Variants in SRPX observed in about 807,000 individuals in gnomAD.
SRPX encodes sushi repeat-containing protein SRPX.
In SRPX, 24 loss-of-function variants were observed where a neutral mutation model predicts 38.1. The observed-to-expected ratio is 0.63, with a 90% CI of 0.46 to 0.89. SRPX has a LOEUF of 0.89. Among genes scored for constraint, SRPX ranks in the 40% least tolerant of loss-of-function variants. The probability of loss-of-function intolerance (pLI) is 0.00; values close to 1 mark genes in which losing one functional copy is unlikely to be tolerated. For missense variants in SRPX, 416 were observed against 377.8 expected (o/e 1.10, Z -0.84); for synonymous variants, 184 against 153.8 (o/e 1.20, Z -1.45).
chrX:38,204,860 AAAG>A (rs1939181224), intron 1 of SRPX, among the ~76,000 whole-genome samples: 1 of 112,598 alleles, frequency 8.9e-6, no homozygotes, highest in African/African-American at 3.2e-5. Context: ...CAATAGTACC[AAAG>A]AAGACTAAAA....
intron 7 of SRPX, among the ~76,000 whole-genome samples, chrX:38,157,567 A>C (rs749155239): frequency 1.8e-5 from 2 of 111,681 alleles, no homozygotes; most frequent in South Asian, 7.6e-4. Flanking sequence ...TTGTGATTAC[A>C]TTGGGCCCAC....
At chrX:38,175,587 T>G (rs1431343271) in intron 2 of SRPX, among the ~76,000 whole-genome samples, 1 of 111,114 alleles carries the variant, frequency 9.0e-6, no homozygotes, top group Non-Finnish European at 1.9e-5. Context: ...GCATGATCAT[T>G]GCTCACTGCA....
intron 1 of SRPX, among the ~76,000 whole-genome samples, chrX:38,217,247 A>T (rs2147133684): frequency 8.9e-6 from 1 of 112,977 alleles, no homozygotes; most frequent in Non-Finnish European, 1.9e-5. Context: ...GATAATATAC[A>T]GCATTATCAA....
At chrX:38,168,737 C>T (rs779246040) in intron 4 of SRPX, among the ~76,000 whole-genome samples, 22 of 112,378 alleles carry the variant, frequency 2.0e-4, no homozygotes, top group African/African-American at 7.1e-4. Flanking sequence ...CCAGCCAGAG[C>T]GTAATCTCTG....
At chrX:38,161,323 A>AG (rs1010721915) in intron 5 of SRPX, among the ~76,000 whole-genome samples, 1 of 110,323 alleles carries the variant, frequency 9.1e-6, no homozygotes, top group Non-Finnish European at 1.9e-5. Flanking sequence ...AAGTGGGTAG[A>AG]GGGGGGAGGG....
At chrX:38,184,977 AT>A (rs1938745243) in intron 1 of SRPX, among the ~76,000 whole-genome samples, 1 of 111,968 alleles carries the variant, frequency 8.9e-6, no homozygotes. Context: ...TTTTTATTTC[AT>A]TTAATTTTAG....
At chrX:38,184,700 A>G (rs1938738940) in intron 1 of SRPX, among the ~76,000 whole-genome samples, 2 of 112,219 alleles carry the variant, frequency 1.8e-5, no homozygotes, top group Admixed American at 1.9e-4. Context: ...CTTTATTGTT[A>G]AGCATGTTAG....
At chrX:38,158,157 G>A (rs767040808) in intron 7 of SRPX, among the ~76,000 whole-genome samples, 24 of 112,359 alleles carry the variant, frequency 2.1e-4, no homozygotes, top group African/African-American at 6.8e-4. Flanking sequence ...GAATGGCTCA[G>A]AATCTCTGAA....
At position 38,191,060 on chromosome X, in the gene SRPX, CAGAGAAAG is replaced by C. The variant is rs1385668132; in HGVS notation, c.98-12724_98-12717del. On this transcript the variant is annotated intron_variant, in intron 1 of 9. Transcript: ENST00000378533. ...CCATCAAAGAAAAGCAAAAACAAAACAGAGAAAGAGAGAAAGAGAGATCCCACAATATT... is the reference window on the plus strand; with the variant it reads ...CCATCAAAGAAAAGCAAAAACAAAACAGAGAAAGAGAGATCCCACAATATT... Among the ~76,000 whole-genome samples the C allele has an allele frequency of 2.7e-5, 3 of 111,625 alleles. No individual in the cohort carries two copies. The Admixed American group carries it at 2.9e-4, about 11-fold the overall frequency.
Position 38,174,314 on chromosome X carries a change from C to A in SRPX, c.195G>T (p.Gly65=). 1 of 1,067,618 alleles carries A rather than the reference C, an allele frequency of 9.4e-7. No individual in the cohort carries two copies. Among genetic ancestry groups the A allele is most frequent in the South Asian group, 2.9e-5 (1 of 33,999 alleles). 88.0% of individuals were successfully genotyped at this position (1,067,618 alleles called of 1,213,427 possible). Residue 65 remains glycine, a synonymous_variant, in exon 3 of 10, where the codon GGG becomes GGT. Transcript: ENST00000378533. ...CTTGAGGGGCCCTGCAGTACACATC[C>A]CCATACTTCACCTTGATGGGGGAGC... ...PWCSPIKVKY[G]DVYCRAPQGG...
At chrX:38,160,617 G>C (rs1275171146) in intron 6 of SRPX, among the ~76,000 whole-genome samples, 2 of 111,670 alleles carry the variant, frequency 1.8e-5, no homozygotes, top group African/African-American at 3.3e-5. Flanking sequence ...GGACTCACAG[G>C]CTTCAGCTGG....
chrX:38,160,687 T>A (rs1233745345), intron 6 of SRPX, among the ~76,000 whole-genome samples: 1 of 111,327 alleles, frequency 9.0e-6, no homozygotes, highest in African/African-American at 3.3e-5. Flanking sequence ...CAGTCAGCTA[T>A]GGGATCCTGT....
At chrX:38,169,711 T>G (rs1341511550) in intron 4 of SRPX, among the ~76,000 whole-genome samples, 2 of 111,832 alleles carry the variant, frequency 1.8e-5, no homozygotes, top group Non-Finnish European at 3.8e-5. Flanking sequence ...CCGTGGTTTT[T>G]AAAGTATCTT....
intron 1 of SRPX, among the ~76,000 whole-genome samples, chrX:38,188,160 G>A (rs1308100262): frequency 9.0e-6 from 1 of 111,639 alleles, no homozygotes; most frequent in Non-Finnish European, 1.9e-5. Context: ...ATACACAGAG[G>A]AAGATTCTTG....
chrX:38,165,009 A>G, intron 4 of SRPX, 114 bp from the exon 5 acceptor site: 3 of 664,483 alleles, frequency 4.5e-6, no homozygotes, highest in Non-Finnish European at 6.8e-6. Context: ...ATTTTCAAAG[A>G]GTTTGTTCAC....
chrX:38,155,695 T>TCATTTTCCTATGGAATA (rs745440427), intron 8 of SRPX, among the ~76,000 whole-genome samples: 57 of 112,680 alleles, frequency 5.1e-4, no homozygotes, highest in African/African-American at 1.7e-3. Context: ...AGCAAGTTGT[T>TCATTTTCCTATGGAATA]TGGCTTAATT....
At chrX:38,150,005 T>C (rs753451695) in intron 9 of SRPX, 111 bp from the exon 10 acceptor site, 1 of 643,672 alleles carries the variant, frequency 1.6e-6, no homozygotes, top group African/African-American at 2.3e-5. Context: ...TTTGATACAA[T>C]GAAGGACTGA....
intron 1 of SRPX, among the ~76,000 whole-genome samples, chrX:38,199,700 T>C (rs1350978039): frequency 9.3e-6 from 1 of 107,797 alleles, no homozygotes; most frequent in East Asian, 2.9e-4. Context: ...TCCTAGAGCG[T>C]GAGCAGGATA....
At chrX:38,215,282 G>A (rs780781644) in intron 1 of SRPX, among the ~76,000 whole-genome samples, 2 of 111,639 alleles carry the variant, frequency 1.8e-5, no homozygotes, top group Non-Finnish European at 3.8e-5. Context: ...AAGGATTACG[G>A]GTGAGTGAAT....
Sources: allele counts gnomAD v4.1 joint callset (sites outside exome capture counted in the v4.1 genomes callset), GRCh38; gene constraint gnomAD v4.1.1; transcripts MANE v1.5; gene names NCBI Gene and HGNC (gene_info 2026-07-23, HGNC 2026-07-21).